Variants in LIG1 observed in about 807,000 individuals in gnomAD.
LIG1 encodes DNA ligase 1, also known as ligase I, DNA, ATP-dependent.
Under a neutral mutation model 115.7 loss-of-function variants are expected in LIG1, and 70 were observed. The observed-to-expected ratio is 0.60, with a 90% CI of 0.50 to 0.74. The LOEUF (loss-of-function observed/expected upper bound fraction) is 0.74. Ranked by LOEUF, LIG1 falls within the 30% of genes least tolerant of loss-of-function variation. The probability of loss-of-function intolerance (pLI) is 0.00; values close to 1 mark genes in which losing one functional copy is unlikely to be tolerated. For synonymous variants in LIG1, 487 were observed against 495.3 expected, an observed-to-expected ratio of 0.98 and a Z score of 0.22; for missense variants, 1,115 against 1,225.6, an observed-to-expected ratio of 0.91 and a Z score of 1.35.
chr19:48,143,588 A>T lies in LIG1; in HGVS notation c.869T>A (p.Leu290Gln). The change falls in exon 11 of 28, where the codon CTG (leucine) becomes CAG (glutamine). Residue 290 changes from leucine (L) to glutamine (Q), a missense_variant. Coordinates refer to ENST00000263274, the MANE Select transcript of LIG1 (RefSeq NM_000234.3). Reference protein sequence around the residue: ...CWKPGQKVPYLAVARTFEKIE... With the variant: ...CWKPGQKVPYQAVARTFEKIE... ...CTTCTCAAACGTCCGGGCCACAGCC[A>T]GGTAAGGAACCCTAGGGAAGGAAAA... 6.2e-7 allele frequency: 1 copy of T among 1,607,956 alleles called. No individual in the cohort carries two copies. The highest frequency in any genetic ancestry group is 8.5e-7 in the Non-Finnish European group (1 of 1,177,728).
chr19:48,153,804 C>A, intron 6 of LIG1, 68 bp downstream of exon 6: 1 of 329,232 alleles, frequency 3.0e-6, no homozygotes, highest in Non-Finnish European at 5.4e-6. Flanking sequence ...CTTCCTCCTC[C>A]TCCTTCCTCT....
At chr19:48,165,300 G>A (rs1207294559) in intron 2 of LIG1, among the ~76,000 whole-genome samples, 1 of 152,078 alleles carries the variant, frequency 6.6e-6, no homozygotes, top group Non-Finnish European at 1.5e-5. Context: ...GTTCCCTGGG[G>A]AGCAAAATTG....
intron 6 of LIG1, among the ~76,000 whole-genome samples, 182 bp downstream of exon 6, chr19:48,153,679 CACACACACACA>C (rs2035620031): frequency 6.9e-6 from 1 of 144,538 alleles, no homozygotes; most frequent in African/African-American, 2.6e-5. Flanking sequence ...CACACACACA[CACACACACACA>C]CCTCTCCTTC....
chr19:48,163,412 G>C (rs2036300786), intron 2 of LIG1, among the ~76,000 whole-genome samples: 1 of 151,658 alleles, frequency 6.6e-6, no homozygotes, highest in Non-Finnish European at 1.5e-5. Context: ...GTAGAGAAGG[G>C]GTTTCACCAT....
intron 18 of LIG1, among the ~76,000 whole-genome samples, chr19:48,131,918 GTC>G (rs2034048474): frequency 6.8e-6 from 1 of 146,614 alleles, no homozygotes; most frequent in African/African-American, 2.5e-5. Flanking sequence ...CTGATCCTGT[GTC>G]TGTTGGATCC....
chr19:48,118,172 T>C (rs892458409), intron 25 of LIG1, among the ~76,000 whole-genome samples: 7 of 151,882 alleles, frequency 4.6e-5, no homozygotes, highest in Non-Finnish European at 8.8e-5. Flanking sequence ...GACAGAGATG[T>C]AGAGAGAGAG....
chr19:48,153,845 C>T (rs2035663998), intron 6 of LIG1, 27 bp downstream of exon 6: 1 of 1,336,964 alleles, frequency 7.5e-7, no homozygotes, highest in Non-Finnish European at 1.0e-6. Context: ...CACACACACA[C>T]ACACTTCTCT....
chr19:48,165,709 G>GAAAAAA, intron 1 of LIG1, 86 bp from the exon 2 acceptor site: 1 of 785,398 alleles, frequency 1.3e-6, no homozygotes, highest in Non-Finnish European at 2.1e-6. Context: ...AAGAAAGAAA[G>GAAAAAA]AAAAAAAAAA....
At chr19:48,142,392 G>A (rs972453409) in intron 11 of LIG1, among the ~76,000 whole-genome samples, 17 of 137,688 alleles carry the variant, frequency 1.2e-4, no homozygotes, top group African/African-American at 2.2e-4. Flanking sequence ...CAAGTGAGCC[G>A]AGATTGCGCC....
chr19:48,151,577 C>T (rs1204559975), intron 6 of LIG1, among the ~76,000 whole-genome samples: 1 of 151,990 alleles, frequency 6.6e-6, no homozygotes, highest in Non-Finnish European at 1.5e-5. Context: ...TGACAGGCGC[C>T]CACCACCACA....
chr19:48,166,264 G>A (rs1425116389), intron 1 of LIG1, among the ~76,000 whole-genome samples: 1 of 152,178 alleles, frequency 6.6e-6, no homozygotes, highest in Non-Finnish European at 1.5e-5. Flanking sequence ...AGGTGCGGTG[G>A]CACGCGCCTG....
At chr19:48,154,026 G>T in intron 5 of LIG1, 59 bp from the exon 6 acceptor site, 1 of 1,402,556 alleles carries the variant, frequency 7.1e-7, no homozygotes, top group Non-Finnish European at 1.0e-6. Context: ...TCCCATCCCG[G>T]AGAGCTCACA....
In LIG1 at chr19:48,150,085, C is replaced by T; in HGVS notation, c.697+3G>A. ...GGAGGTGGGGTGAGCAAGGGAAACTCACTGAAGAAGCTGCTGAGCGTCTTG... is the reference window on the plus strand; with the variant it reads ...GGAGGTGGGGTGAGCAAGGGAAACTTACTGAAGAAGCTGCTGAGCGTCTTG... On this transcript the variant is annotated splice_donor_region_variant and intron_variant, in intron 8 of 27. Coordinates refer to ENST00000263274, the MANE Select transcript of LIG1 (RefSeq NM_000234.3). 1 of 1,614,176 alleles carries T rather than the reference C, an allele frequency of 6.2e-7. No homozygotes were observed. The highest frequency in any genetic ancestry group is 8.5e-7 in the Non-Finnish European group (1 of 1,180,034).
At chr19:48,133,628 ACT>A (rs1047027398) in intron 17 of LIG1, 3 of 346,758 alleles carry the variant, frequency 8.7e-6, no homozygotes, top group African/African-American at 6.4e-5. Flanking sequence ...TTATTGTCTC[ACT>A]CTGTCGCCCA....
Position 48,127,307 on chromosome 19 carries a change from G to C in LIG1, c.1974C>G (p.Tyr658Ter). The change falls in exon 21 of 28, where the codon TAC (tyrosine) becomes TAG (stop). Residue 658 changes from tyrosine (Y) to a stop codon, truncating the protein, a stop_gained. Transcript: ENST00000263274. LOFTEE classifies it high-confidence loss of function. ...CATTGAGGTAGATGAGGTCGAAGGC[G>C]TACAAACACACCTGCACCTGGATCT... ...ASEIQVQVCLYAFDLIYLNGE... is the reference protein window; with the variant it reads ...ASEIQVQVCL 1.9e-6 allele frequency: 3 copies of C among 1,613,790 alleles called. No homozygotes were observed. The highest frequency in any genetic ancestry group is 2.5e-6 in the Non-Finnish European group (3 of 1,179,998).
At chr19:48,166,191 G>C (rs2036472879) in intron 1 of LIG1, among the ~76,000 whole-genome samples, 1 of 152,194 alleles carries the variant, frequency 6.6e-6, no homozygotes, top group African/African-American at 2.4e-5. Context: ...GAGGTCAGGA[G>C]TTCAAGACCA....
chr19:48,140,119 G>T lies in LIG1; in HGVS notation c.939C>A (p.Ser313Arg). ...GGGCCACCACGGAGCGCAGCAAGTT[G>T]CTCAGCGTCTCCACCATCCGGAGCC... ...SARLRMVETLSNLLRSVVALS... is the reference protein window; with the variant it reads ...SARLRMVETLRNLLRSVVALS... The change falls in exon 12 of 28, where the codon AGC becomes AGA. Residue 313 changes from serine to arginine, a missense_variant. Coordinates refer to ENST00000263274, the MANE Select transcript of LIG1 (RefSeq NM_000234.3). 1 of 1,613,676 alleles carries T rather than the reference G, an allele frequency of 6.2e-7. No individual in the cohort carries two copies. Among genetic ancestry groups the T allele is most frequent in the Non-Finnish European group, 8.5e-7 (1 of 1,180,010 alleles).
intron 4 of LIG1, 135 bp from the exon 5 acceptor site, chr19:48,157,275 G>GT: frequency 1.0e-6 from 1 of 981,210 alleles, no homozygotes. Context: ...CCTAACTCAG[G>GT]GGTGGCCTCT....
At position 48,121,177 on chromosome 19, in the gene LIG1, A is replaced by T. The variant is rs749404060; in HGVS notation, c.2378T>A (p.Ile793Lys). 1 of 1,614,058 alleles carries T rather than the reference A, an allele frequency of 6.2e-7. No individual in the cohort carries two copies. Among genetic ancestry groups the T allele is most frequent in the South Asian group, 1.1e-5 (1 of 91,076 alleles). The change falls in exon 24 of 28, where the codon ATA becomes AAA. Residue 793 changes from isoleucine (I) to lysine (K), a missense_variant. Ile to Lys is a moderately radical substitution (Grantham distance 102). Transcript: ENST00000263274. The part of the protein sequence containing the change: ...YDEDSEELQA[I>K]CKLGTGFSDE... Reference sequence around the variant, plus strand: ...GCCCCAGTTCCCCAGGACCTTGCATATGGCCTGCAGCTCCTCACTGTCCTC... The same window carrying T: ...GCCCCAGTTCCCCAGGACCTTGCATTTGGCCTGCAGCTCCTCACTGTCCTC...
Sources: gnomAD v4.1 joint callset for allele counts (sites outside exome capture counted in the v4.1 genomes callset) on GRCh38, gnomAD v4.1.1 for gene constraint, MANE v1.5 for transcripts, NCBI Gene and HGNC (gene_info 2026-07-23, HGNC 2026-07-21) for gene names.